The following DKK3 variants were observed in gnomAD, a reference collection of about 807,000 sequenced individuals.
DKK3 encodes dickkopf-related protein 3.
In DKK3, 22 loss-of-function variants were observed where a neutral mutation model predicts 33.2. That is an observed-to-expected ratio of 0.66 (90% CI 0.47 to 0.95). The LOEUF (loss-of-function observed/expected upper bound fraction) is 0.95, where lower values mean the gene tolerates loss of function less well. Ranked by LOEUF, DKK3 falls within the 40% of genes least tolerant of loss-of-function variation. The pLI is 0.00. For missense variants in DKK3, 398 were observed against 458.4 expected (o/e 0.87, Z 1.20); for synonymous variants, 194 against 188.8 (o/e 1.03, Z -0.23).
chr11:11,965,678 C>A (rs931969330), intron 6 of DKK3, 131 bp downstream of exon 6: 2 of 1,184,084 alleles, frequency 1.7e-6, no homozygotes, highest in Non-Finnish European at 2.3e-6. Context: ...CATGACCCAA[C>A]GACCTCTCAA....
At position 12,008,011 on chromosome 11, in the gene DKK3, G is replaced by C. The variant is rs1403205353; in HGVS notation, c.213+359C>G. Among the ~76,000 whole-genome samples, 1 of 152,224 alleles carries C rather than the reference G, an allele frequency of 6.6e-6. No homozygotes were observed. The highest frequency in any genetic ancestry group is 1.5e-5 in the Non-Finnish European group (1 of 68,046). ...TGCCTGGAGCTTGTCCCGGGTTTCT[G>C]TGAAACCACAGTGCTGGAATACCAG... On this transcript the variant is annotated intron_variant, in intron 1 of 6. Transcript: ENST00000683431. The surrounding 1 kb of genome is among the most constrained non-coding windows in gnomAD (Gnocchi z 4.6).
intron 3 of DKK3, among the ~76,000 whole-genome samples, chr11:11,975,197 GC>G (rs1232549955): frequency 6.6e-6 from 1 of 152,188 alleles, no homozygotes; most frequent in African/African-American, 2.4e-5. Flanking sequence ...CCCGATACAA[GC>G]CAGCAGCCCC....
At chr11:11,989,919 T>C (rs1258284685) in intron 3 of DKK3, among the ~76,000 whole-genome samples, 1 of 152,202 alleles carries the variant, frequency 6.6e-6, no homozygotes, top group African/African-American at 2.4e-5. Context: ...GTGTCTGCCT[T>C]GTATCATTGT....
chr11:12,007,897 G>C (rs1247871455), intron 1 of DKK3, among the ~76,000 whole-genome samples: 1 of 152,228 alleles, frequency 6.6e-6, no homozygotes, highest in Non-Finnish European at 1.5e-5. Flanking sequence ...CAGACAGACT[G>C]CCAGCAAAGC....
At chr11:11,974,839 G>A (rs922762264) in intron 3 of DKK3, among the ~76,000 whole-genome samples, 3 of 152,060 alleles carry the variant, frequency 2.0e-5, no homozygotes, top group Middle Eastern at 3.2e-3. Flanking sequence ...GGGAGGCAGA[G>A]GTTGCAGTGA....
intron 3 of DKK3, among the ~76,000 whole-genome samples, chr11:11,980,858 G>T (rs553681028): frequency 6.6e-6 from 1 of 152,280 alleles, no homozygotes; most frequent in South Asian, 2.1e-4. Context: ...TTCTCTCTGA[G>T]GGGTGGTCCT....
At chr11:11,996,022 GAAAGT>G (rs1163841699) in intron 3 of DKK3, among the ~76,000 whole-genome samples, 1 of 152,184 alleles carries the variant, frequency 6.6e-6, no homozygotes, top group African/African-American at 2.4e-5. Flanking sequence ...TTGAAGAAAG[GAAAGT>G]ATAGGGTGTG....
Position 11,964,331 on chromosome 11 carries a change from C to T in DKK3, c.*133G>A. On this transcript the variant is annotated 3_prime_UTR_variant, in exon 7 of 7. Transcript: ENST00000683431. ...CTGAACAAATGCACAACACCTCATGCTGTCAAGCCAGAGGGGAAACTTACT... is the reference window on the plus strand; with the variant it reads ...CTGAACAAATGCACAACACCTCATGTTGTCAAGCCAGAGGGGAAACTTACT... 2 of 1,144,594 alleles carry T rather than the reference C, an allele frequency of 1.7e-6. No individual in the cohort carries two copies. The highest frequency in any genetic ancestry group is 1.5e-5 in the South Asian group (1 of 67,396). The allele number at this position is 1,144,594 out of a possible 1,614,324, so 70.9% of individuals were successfully genotyped here. A position where few individuals can be genotyped will look rare whatever the true frequency, so the allele number is the denominator to read the frequency against.
intron 6 of DKK3, among the ~76,000 whole-genome samples, chr11:11,965,070 G>A (rs1212776490): frequency 6.6e-6 from 1 of 152,184 alleles, no homozygotes; most frequent in African/African-American, 2.4e-5. Context: ...CCACATGCAG[G>A]GAGCCATGGA....
At chr11:11,995,034 T>C (rs956173650) in intron 3 of DKK3, among the ~76,000 whole-genome samples, 1 of 152,182 alleles carries the variant, frequency 6.6e-6, no homozygotes, top group African/African-American at 2.4e-5. Context: ...CTCTACAAGC[T>C]GGGTGCTTTT....
At chr11:11,981,237 G>A (rs11022100) in intron 3 of DKK3, among the ~76,000 whole-genome samples, 9,478 of 152,236 alleles carry the variant, frequency 0.062, 404 homozygotes, top group Middle Eastern at 0.21. Flanking sequence ...TTTGAACCAA[G>A]CCACCATATT....
upstream of DKK3, chr11:12,009,088 T>C (rs1287093780): frequency 6.1e-6 from 6 of 984,454 alleles, no homozygotes; most frequent in Non-Finnish European, 7.2e-6. Context: ...CGTCGGGTCC[T>C]ACTCGAGCGC....
At position 11,971,600 on chromosome 11, in the gene DKK3, G is replaced by A. The variant is rs563835070; in HGVS notation, c.436-3113C>T. On this transcript the variant is annotated intron_variant, in intron 3 of 6. Coordinates refer to ENST00000683431, the MANE Select transcript of DKK3 (RefSeq NM_001018057.2). The stretch of plus-strand genomic sequence containing the variant: ...CATTAATTTGGCTTCTCATTCCCCC[G>A]AAAGGCCTTCGTAGACTTGCGATTT... Among the ~76,000 whole-genome samples the A allele has an allele frequency of 2.2e-4, 34 of 152,260 alleles. No individual in the cohort carries two copies. In the East Asian group the frequency reaches 3.9e-3, roughly 17 times the overall value.
At chr11:11,985,291 A>C (rs2135052779) in intron 3 of DKK3, among the ~76,000 whole-genome samples, 1 of 152,344 alleles carries the variant, frequency 6.6e-6, no homozygotes, top group East Asian at 1.9e-4. Flanking sequence ...TCTCCAAGCC[A>C]AGACTCAGAC....
chr11:11,981,232 A>C (rs571351581), intron 3 of DKK3, among the ~76,000 whole-genome samples: 66 of 152,262 alleles, frequency 4.3e-4, no homozygotes, highest in South Asian at 1.0e-3. Flanking sequence ...TGCCCTTTGA[A>C]CCAAGCCACC....
chr11:11,997,975 T>C (rs1412606929), intron 3 of DKK3, among the ~76,000 whole-genome samples: 1 of 152,130 alleles, frequency 6.6e-6, no homozygotes, highest in Non-Finnish European at 1.5e-5. Flanking sequence ...ACACTTTCCC[T>C]ACTGGCCACT....
intron 3 of DKK3, among the ~76,000 whole-genome samples, chr11:11,969,567 G>A (rs1847680117): frequency 6.6e-6 from 1 of 152,188 alleles, no homozygotes; most frequent in African/African-American, 2.4e-5. Context: ...GTAGCAGCCA[G>A]TGGTGAGAAG....
At chr11:11,997,443 C>T (rs1229923711) in intron 3 of DKK3, among the ~76,000 whole-genome samples, 1 of 152,196 alleles carries the variant, frequency 6.6e-6, no homozygotes, top group Non-Finnish European at 1.5e-5. Context: ...TCTTCTGTCT[C>T]TTCCCACCTT....
intron 4 of DKK3, among the ~76,000 whole-genome samples, chr11:11,967,718 A>T (rs1156509617): frequency 1.3e-5 from 2 of 152,220 alleles, no homozygotes; most frequent in Non-Finnish European, 2.9e-5. Context: ...AAAAATGACT[A>T]TGAAAAGTCT....
Sources: gnomAD v4.1 joint callset for allele counts (sites outside exome capture counted in the v4.1 genomes callset) on GRCh38, gnomAD v4.1.1 for gene constraint, Gnocchi (gnomAD v3.1) non-coding constraint, MANE v1.5 for transcripts, NCBI Gene and HGNC (gene_info 2026-07-23, HGNC 2026-07-21) for gene names.